The following ZNF69 variants were observed in gnomAD, a reference collection of about 807,000 sequenced individuals.
The protein encoded by ZNF69 is zinc finger protein 69.
In ZNF69, 47 loss-of-function variants were observed where a neutral mutation model predicts 50.9. The observed-to-expected ratio is 0.92, with a 90% CI of 0.73 to 1.18. The LOEUF (loss-of-function observed/expected upper bound fraction) is 1.18. Among genes scored for constraint, ZNF69 ranks in the 50% most tolerant of loss-of-function variants. The pLI is 0.00. For missense variants in ZNF69, 717 were observed against 675.1 expected (o/e 1.06, Z -0.69); for synonymous variants, 216 against 223.1 (o/e 0.97, Z 0.29).
the ZNF69 span, chr19:11,965,306 G>A: frequency 5.6e-4 from 873 of 1,558,652 alleles, 6 homozygotes; most frequent in African/African-American, 0.011. Flanking sequence ...CCCTGCGGGC[G>A]ACTCCAGGGT....
chr19:11,901,970 G>C (rs1033955595), intron 1 of ZNF69, among the ~76,000 whole-genome samples: 40 of 140,918 alleles, frequency 2.8e-4, no homozygotes, highest in Non-Finnish European at 5.1e-4. Context: ...AGGCCAAGAT[G>C]TTATTTTCTT....
At chr19:11,972,826 T>G in the ZNF69 span, among the ~76,000 whole-genome samples, 2,959 of 152,076 alleles carry the variant, frequency 0.019, 73 homozygotes, top group African/African-American at 0.059. Context: ...ATGCTGTGCC[T>G]CATACCTGTA....
chr19:11,894,379 A>G (rs1977172170), intron 1 of ZNF69, among the ~76,000 whole-genome samples: 1 of 152,088 alleles, frequency 6.6e-6, no homozygotes, highest in Admixed American at 6.5e-5. Context: ...TGACCTCGTG[A>G]TCCACCCGCC....
At chr19:11,930,915 C>G in the ZNF69 span, among the ~76,000 whole-genome samples, 1 of 146,998 alleles carries the variant, frequency 6.8e-6, no homozygotes, top group Non-Finnish European at 1.5e-5. Flanking sequence ...AGGAGAATCA[C>G]TTGAACCTGG....
At chr19:11,894,535 C>G (rs562142527) in intron 1 of ZNF69, among the ~76,000 whole-genome samples, 19 of 152,270 alleles carry the variant, frequency 1.2e-4, no homozygotes, top group African/African-American at 4.3e-4. Context: ...CCTATGTTTT[C>G]TTGGTCCTGG....
chr19:11,970,671 G>A, the ZNF69 span, among the ~76,000 whole-genome samples: 648 of 152,278 alleles, frequency 4.3e-3, 2 homozygotes, highest in Middle Eastern at 0.02. Context: ...CAGAGCAGGT[G>A]CAGTGGCTCA....
At chr19:11,923,792 G>T in the ZNF69 span, among the ~76,000 whole-genome samples, 1 of 152,200 alleles carries the variant, frequency 6.6e-6, no homozygotes, top group African/African-American at 2.4e-5. Flanking sequence ...TAATCGATGG[G>T]GTGAGAAGTA....
the ZNF69 span, among the ~76,000 whole-genome samples, chr19:11,921,649 C>T: frequency 6.6e-6 from 1 of 151,966 alleles, no homozygotes; most frequent in Non-Finnish European, 1.5e-5. Flanking sequence ...ATTACAGGCA[C>T]CTGCCACTAC....
chr19:11,905,472 C>T lies in ZNF69; in HGVS notation c.1075C>T (p.Pro359Ser), dbSNP rs995851368. ...CATAAGAATGCACTCTGGAGAAAGA[C>T]CTTATGAATGTAAGATATGTGGGAA... ...THIRMHSGER[P>S]YECKICGKGF... Residue 359 changes from proline (P) to serine (S), a missense_variant, in exon 4 of 4, where the codon CCT (proline) becomes TCT (serine). Coordinates refer to ENST00000429654, the MANE Select transcript of ZNF69 (RefSeq NM_001364730.1). 5 of 1,614,166 alleles carry T rather than the reference C, an allele frequency of 3.1e-6. No homozygotes were observed. Among genetic ancestry groups the T allele is most frequent in the South Asian group, 2.2e-5 (2 of 91,080 alleles).
the ZNF69 span, chr19:11,948,924 C>T: frequency 1.9e-6 from 3 of 1,607,092 alleles, no homozygotes; most frequent in Non-Finnish European, 1.7e-6. Flanking sequence ...AAAGAAGTCA[C>T]ATGGGAGAGA....
intron 3 of ZNF69, 90 bp downstream of exon 3, chr19:11,904,055 A>G: frequency 7.0e-7 from 1 of 1,429,898 alleles, no homozygotes; most frequent in Non-Finnish European, 9.6e-7. Context: ...AACTAAGTCC[A>G]GGATCAAATA....
At chr19:11,926,169 GAC>G in the ZNF69 span, among the ~76,000 whole-genome samples, 2 of 152,200 alleles carry the variant, frequency 1.3e-5, no homozygotes, top group Non-Finnish European at 2.9e-5. Context: ...TCTGAGGCGT[GAC>G]TTTACTTTTG....
At chr19:11,899,257 G>T (rs1299353100) in intron 1 of ZNF69, among the ~76,000 whole-genome samples, 1 of 152,110 alleles carries the variant, frequency 6.6e-6, no homozygotes, top group Non-Finnish European at 1.5e-5. Context: ...TGCATTGAAG[G>T]TCTCTCGATA....
At chr19:11,953,125 C>G in the ZNF69 span, 1 of 152,204 alleles carries the variant, frequency 6.6e-6, no homozygotes, top group South Asian at 2.1e-4. Flanking sequence ...GGATCTAACC[C>G]CTGTCTCATC....
At chr19:11,979,493 C>A in the ZNF69 span, 5 of 1,597,204 alleles carry the variant, frequency 3.1e-6, no homozygotes, top group South Asian at 4.4e-5. Flanking sequence ...CTTTTATTCT[C>A]CCACGTCATT....
At chr19:11,909,661 A>G (rs1373556179), downstream of ZNF69, among the ~76,000 whole-genome samples, 2 of 152,200 alleles carry the variant, frequency 1.3e-5, no homozygotes, top group African/African-American at 4.8e-5. Context: ...TATTGATGGG[A>G]TGTATCTCAA....
At chr19:11,924,431 C>CAAAA in the ZNF69 span, among the ~76,000 whole-genome samples, 58 of 64,702 alleles carry the variant, frequency 9.0e-4, no homozygotes, top group South Asian at 2.0e-3. Flanking sequence ...GACTCCGTCT[C>CAAAA]AAAAAAAAAA....
chr19:11,901,216 A>G (rs1021091376), intron 1 of ZNF69, among the ~76,000 whole-genome samples: 2 of 152,124 alleles, frequency 1.3e-5, no homozygotes, highest in African/African-American at 4.8e-5. Context: ...AGATGTTTCT[A>G]TGTTCCTAGT....
At chr19:11,913,279 A>G (rs1972484209) in intron 4 of ZNF69, 1 of 461,434 alleles carries the variant, frequency 2.2e-6, no homozygotes, top group South Asian at 4.5e-5. Context: ...TTATTTGGAC[A>G]TTGTGAGTCA....
Sources: allele counts gnomAD v4.1 joint callset (sites outside exome capture counted in the v4.1 genomes callset), GRCh38; gene constraint gnomAD v4.1.1; transcripts MANE v1.5; gene names NCBI Gene and HGNC (gene_info 2026-07-23, HGNC 2026-07-21).